Variants in CLASP2 observed in about 807,000 individuals in gnomAD.
The protein encoded by CLASP2 is cytoplasmic linker associated protein 2.
CLASP2 carries 47 observed loss-of-function variants against 194.4 expected under a neutral mutation model. The ratio of observed to expected loss-of-function variants is 0.24; its 90% CI spans 0.19 to 0.31. The LOEUF (loss-of-function observed/expected upper bound fraction) is 0.31. CLASP2 is among the 10% of genes least tolerant of loss of function. The pLI, the probability that CLASP2 is intolerant of heterozygous loss-of-function variation, is 1.00. For missense variants in CLASP2, 1,445 were observed against 1,823.6 expected (o/e 0.79, Z 3.78); for synonymous variants, 619 against 633.5 (o/e 0.98, Z 0.34).
At position 33,573,505 on chromosome 3, in the gene CLASP2, T is replaced by G. The variant is rs534880869; in HGVS notation, c.2455-151A>C. On this transcript the variant is annotated intron_variant, in intron 24 of 38. Coordinates refer to ENST00000682230, the MANE Select transcript of CLASP2 (RefSeq NM_001365631.1). Reference sequence around the variant, plus strand: ...GTAATAACAGAATGTCAGTATTTAGTTTTTCTTCAGAAAACAAGTTTTAGA... The same window carrying G: ...GTAATAACAGAATGTCAGTATTTAGGTTTTCTTCAGAAAACAAGTTTTAGA... The G allele has an allele frequency of 1.1e-4, 94 of 841,866 alleles. No individual in the cohort carries two copies. The African/African-American group carries it at 1.4e-3, about 12-fold the overall frequency. The allele number at this position is 841,866 out of a possible 1,614,324, so 52.1% of individuals were successfully genotyped here.
At chr3:33,527,323 C>T (rs1013854243) in intron 34 of CLASP2, among the ~76,000 whole-genome samples, 1 of 152,108 alleles carries the variant, frequency 6.6e-6, no homozygotes, top group Admixed American at 6.6e-5. Context: ...CCATCAGAAA[C>T]TACTACGAAC....
intron 8 of CLASP2, among the ~76,000 whole-genome samples, chr3:33,643,286 C>G (rs2154307042): frequency 6.6e-6 from 1 of 151,854 alleles, no homozygotes; most frequent in African/African-American, 2.4e-5. Context: ...GCTAAAAAGA[C>G]AGCTTCATAA....
rs766668966 is a variant in CLASP2 at position 33,573,334 on chromosome 3, T to C, written c.2475A>G (p.Arg825=). The C allele has an allele frequency of 7.4e-6, 12 of 1,613,686 alleles. No homozygotes were observed. Among genetic ancestry groups the C allele is most frequent in the South Asian group, 6.6e-5 (6 of 91,086 alleles). ...CTGAATGCATTCCATATGATTCATA[T>C]CTTCTTCGAGCTGGTTTTTTCTGTT... ...ADALKKPARR[R]YESYGMHSDD... Residue 825 remains arginine (R), a synonymous_variant, in exon 25 of 39, where the codon AGA becomes AGG. Transcript: ENST00000682230.
At chr3:33,557,112 T>A (rs2061083645) in intron 29 of CLASP2, among the ~76,000 whole-genome samples, 1 of 151,936 alleles carries the variant, frequency 6.6e-6, no homozygotes, top group Admixed American at 6.6e-5. Flanking sequence ...TAGCTGGGAC[T>A]ACAGGTGCCC....
At chr3:33,662,267 C>G (rs2085426412) in intron 7 of CLASP2, among the ~76,000 whole-genome samples, 1 of 152,004 alleles carries the variant, frequency 6.6e-6, no homozygotes, top group South Asian at 2.1e-4. Context: ...TACTTTTTTC[C>G]TTAGAGTTGT....
chr3:33,664,622 C>T (rs906555505), intron 6 of CLASP2, among the ~76,000 whole-genome samples: 1 of 152,168 alleles, frequency 6.6e-6, no homozygotes, highest in South Asian at 2.1e-4. Flanking sequence ...AACATCACCT[C>T]CTACTTCCAA....
intron 17 of CLASP2, 113 bp from the exon 18 acceptor site, chr3:33,603,238 C>T: frequency 8.5e-7 from 1 of 1,180,348 alleles, no homozygotes; most frequent in African/African-American, 1.6e-5. Flanking sequence ...AACAAAAAGG[C>T]TGTGGCCAAA....
rs369317119 is a variant in CLASP2 at position 33,510,776 on chromosome 3, A to G, written c.4111-12T>C. 34 of 1,588,654 alleles carry G rather than the reference A, an allele frequency of 2.1e-5. No individual in the cohort carries two copies. In the African/African-American group the frequency reaches 4.3e-4, roughly 20 times the overall value. The stretch of plus-strand genomic sequence containing the variant: ...GCAGATCTCACCACCTAAAAAAAAT[A>G]GGAAATTAAGCCAGAAAGTAATTTT... On this transcript the variant is annotated splice_polypyrimidine_tract_variant and intron_variant, in intron 36 of 38. Coordinates refer to ENST00000682230, the MANE Select transcript of CLASP2 (RefSeq NM_001365631.1).
chr3:33,584,047 T>C (rs1398352965), intron 22 of CLASP2, among the ~76,000 whole-genome samples: 1 of 152,190 alleles, frequency 6.6e-6, no homozygotes, highest in African/African-American at 2.4e-5. Flanking sequence ...CATCTATCAT[T>C]ACTATTATCT....
intron 7 of CLASP2, among the ~76,000 whole-genome samples, chr3:33,657,168 T>A (rs546803750): frequency 1.3e-5 from 2 of 152,288 alleles, no homozygotes; most frequent in Admixed American, 1.3e-4. Context: ...TATAATCCAT[T>A]TGTTTTATAT....
chr3:33,564,929 G>C (rs2062425208), intron 27 of CLASP2, among the ~76,000 whole-genome samples: 1 of 152,036 alleles, frequency 6.6e-6, no homozygotes, highest in South Asian at 2.1e-4. Flanking sequence ...CCTATCAATG[G>C]TACTTAGTAA....
intron 8 of CLASP2, among the ~76,000 whole-genome samples, chr3:33,643,126 A>G (rs956733728): frequency 2.0e-5 from 3 of 151,950 alleles, no homozygotes; most frequent in Non-Finnish European, 2.9e-5. Context: ...GTATCTGATT[A>G]TATCAATATG....
At chr3:33,535,038 C>T (rs780309145) in intron 34 of CLASP2, among the ~76,000 whole-genome samples, 195 bp downstream of exon 34, 1 of 152,068 alleles carries the variant, frequency 6.6e-6, no homozygotes, top group Non-Finnish European at 1.5e-5. Context: ...CTCAAGATGA[C>T]TACCCTGTTT....
At position 33,684,446 on chromosome 3, in the gene CLASP2, G is replaced by A; in HGVS notation, c.557C>T (p.Ala186Val). 1 of 1,593,092 alleles carries A rather than the reference G, an allele frequency of 6.3e-7. No homozygotes were observed. Among genetic ancestry groups the A allele is most frequent in the South Asian group, 1.1e-5 (1 of 87,686 alleles). The change falls in exon 6 of 39, where the codon GCT becomes GTT. Residue 186 changes from alanine to valine, a missense_variant. Physicochemically the swap from Ala to Val is moderately conservative, Grantham distance 64. Transcript: ENST00000682230. ...FGDSNSQVRDAAILAIVEIYR... is the reference protein window; with the variant it reads ...FGDSNSQVRDVAILAIVEIYR... Reference sequence around the variant, plus strand: ...AATCTCCACTATAGCCAATATTGCAGCATCTCTCACCTGTCAAAGAATTCA... The same window carrying A: ...AATCTCCACTATAGCCAATATTGCAACATCTCTCACCTGTCAAAGAATTCA...
chr3:33,694,577 CCTAA>C (rs921743587), intron 2 of CLASP2, among the ~76,000 whole-genome samples: 19 of 152,106 alleles, frequency 1.2e-4, no homozygotes, highest in African/African-American at 4.6e-4. Context: ...CCATATCATA[CCTAA>C]CTTTCTCAGT....
rs972880426 is a variant in CLASP2, at chr3:33,717,811, G to A, written c.192C>T (p.Tyr64=). 1.3e-6 allele frequency: 2 copies of A among 1,556,676 alleles called. No individual in the cohort carries two copies. Among genetic ancestry groups the A allele is most frequent in the Non-Finnish European group, 1.7e-6 (2 of 1,151,000 alleles). The change falls in exon 1 of 39, where the codon TAC becomes TAT. Residue 64 remains tyrosine (Y), a synonymous_variant. Transcript: ENST00000682230. ...CAGCCTCGCCGCCGTCGCTTACCCG[G>A]TAGTTGCTCGAACCCACCCAGCCGG... is the stretch of plus-strand genomic sequence containing the variant. ...ALTGWVGSSN[Y]RVSLMGLEIL... is the part of the protein sequence containing the mutation.
rs756228474 is a variant in CLASP2, at chr3:33,687,109, C to T, written c.497G>A (p.Ser166Asn). The change falls in exon 5 of 39, where the codon AGC becomes AAC. Residue 166 changes from serine to asparagine, a missense_variant. Ser to Asn is a conservative substitution (Grantham distance 46). Coordinates refer to ENST00000682230, the MANE Select transcript of CLASP2 (RefSeq NM_001365631.1). ...NIFGAQPLVISKLIPHLCILF... is the reference protein window; with the variant it reads ...NIFGAQPLVINKLIPHLCILF... ...GATACACAAATGTGGTATCAATTTG[C>T]TGATGACTAGTGGCTGAGCCCCAAA... 1.9e-6 allele frequency: 3 copies of T among 1,601,800 alleles called. No homozygotes were observed. Among genetic ancestry groups the T allele is most frequent in the Non-Finnish European group, 2.6e-6 (3 of 1,174,092 alleles).
chr3:33,561,563 C>T (rs183359441), intron 27 of CLASP2, among the ~76,000 whole-genome samples: 56 of 152,236 alleles, frequency 3.7e-4, no homozygotes, highest in African/African-American at 1.2e-3. Flanking sequence ...AGATGAATGT[C>T]TACATTTAAA....
intron 36 of CLASP2, among the ~76,000 whole-genome samples, chr3:33,513,508 G>C (rs2050492392): frequency 6.6e-6 from 1 of 152,136 alleles, no homozygotes; most frequent in Non-Finnish European, 1.5e-5. Flanking sequence ...CTCCAGCCTG[G>C]GTGACAGCGA....
Sources: gnomAD v4.1 joint callset for allele counts (sites outside exome capture counted in the v4.1 genomes callset) on GRCh38, gnomAD v4.1.1 for gene constraint, MANE v1.5 for transcripts, NCBI Gene and HGNC (gene_info 2026-07-23, HGNC 2026-07-21) for gene names.